MAST1: variants seen among roughly 807,000 people sequenced by gnomAD.
MAST1 encodes microtubule associated serine/threonine kinase 1.
In MAST1, 40 loss-of-function variants were observed where a neutral mutation model predicts 124.6. That is an observed-to-expected ratio of 0.32 (90% CI 0.25 to 0.42). The LOEUF is 0.42. Ranked by LOEUF, MAST1 falls within the 10% of genes least tolerant of loss-of-function variation. The pLI is 1.00. For missense variants in MAST1, 1,558 were observed against 2,181.9 expected, an observed-to-expected ratio of 0.71 and a Z score of 5.70; for synonymous variants, 938 against 939.4, an observed-to-expected ratio of 1.00 and a Z score of 0.03.
chr19:12,868,030 C>T (rs1970179980), intron 20 of MAST1, 53 bp downstream of exon 20: 2 of 1,485,796 alleles, frequency 1.3e-6, no homozygotes, highest in East Asian at 2.4e-5. Context: ...TCCTACTGGT[C>T]ATATAGTGAG....
Position 12,874,435 on chromosome 19 carries a change from T to C in MAST1, c.4278T>C (p.Ser1426=). 6.3e-7 allele frequency: 1 copy of C among 1,597,592 alleles called. No homozygotes were observed. Among genetic ancestry groups the C allele is most frequent in the Non-Finnish European group, 8.5e-7 (1 of 1,178,552 alleles). ...QEHETGRRSS[S]GEAGTPLVPI... is the part of the protein sequence containing the mutation. ...ACGAGACAGGCCGGCGCAGCAGCTC[T>C]GGCGAGGCGGGCACACCCCTGGTAC... is the stretch of plus-strand genomic sequence containing the variant. Residue 1426 remains serine, a synonymous_variant, in exon 26 of 26, where the codon TCT becomes TCC. Coordinates refer to ENST00000251472, the MANE Select transcript of MAST1 (RefSeq NM_014975.3). This position sits in a 1 kb window ranked among gnomAD's most constrained non-coding sequence, Gnocchi z 6.6.
At chr19:12,840,167 G>T (rs1969808110) in intron 1 of MAST1, among the ~76,000 whole-genome samples, 1 of 152,216 alleles carries the variant, frequency 6.6e-6, no homozygotes, top group African/African-American at 2.4e-5. Flanking sequence ...ATCACCAATG[G>T]TGTCACCTAG....
In MAST1 at chr19:12,858,732, T is replaced by C. The variant is rs906084185; in HGVS notation, c.1359T>C (p.Tyr453=). ...GCCACCTCTGCATGGTCATGGAATA[T>C]GTGGAAGGTGTGGCTGCCTGCGGGG... ...TRRHLCMVME[Y]VEGGDCATLL... Residue 453 remains tyrosine (Y), a synonymous_variant, in exon 12 of 26, where the codon TAT becomes TAC. Transcript: ENST00000251472. 1 of 1,614,116 alleles carries C rather than the reference T, an allele frequency of 6.2e-7. No individual in the cohort carries two copies. Among genetic ancestry groups the C allele is most frequent in the Non-Finnish European group, 8.5e-7 (1 of 1,180,008 alleles).
chr19:12,858,609 C>G lies in MAST1; in HGVS notation c.1236C>G (p.Leu412=), dbSNP rs1970044721. The change falls in exon 12 of 26, where the codon CTC becomes CTG. Residue 412 remains leucine (L), a synonymous_variant. Transcript: ENST00000251472. ...MKKINKQNLI[L]RNQIQQAFVE... ...AGATCAACAAGCAGAACTTGATCCTCCGCAACCAGATCCAGCAGGCCTTTG... is the reference window on the plus strand; with the variant it reads ...AGATCAACAAGCAGAACTTGATCCTGCGCAACCAGATCCAGCAGGCCTTTG... 1 of 1,614,258 alleles carries G rather than the reference C, an allele frequency of 6.2e-7. No homozygotes were observed. Among genetic ancestry groups the G allele is most frequent in the Non-Finnish European group, 8.5e-7 (1 of 1,180,042 alleles).
chr19:12,861,094 G>A (rs1052771699), intron 12 of MAST1, among the ~76,000 whole-genome samples: 7 of 151,954 alleles, frequency 4.6e-5, no homozygotes, highest in African/African-American at 1.7e-4. Flanking sequence ...ATGGAGTCTC[G>A]CTCTTTCACC....
chr19:12,843,653 G>T lies in MAST1; in HGVS notation c.327+46G>T. 6.4e-7 allele frequency: 1 copy of T among 1,567,528 alleles called. No homozygotes were observed. On this transcript the variant is annotated intron_variant, in intron 4 of 25. Coordinates refer to ENST00000251472, the MANE Select transcript of MAST1 (RefSeq NM_014975.3). This position sits in a 1 kb window ranked among gnomAD's most constrained non-coding sequence, Gnocchi z 4.9. Reference sequence around the variant, plus strand: ...GGTGGGCCGGTGGGTAAGGAATTCAGGGGCCCTCCAGCCTGAAGACCCACA... The same window carrying T: ...GGTGGGCCGGTGGGTAAGGAATTCATGGGCCCTCCAGCCTGAAGACCCACA...
At chr19:12,855,305 G>C (rs530333848) in intron 10 of MAST1, among the ~76,000 whole-genome samples, 1 of 152,166 alleles carries the variant, frequency 6.6e-6, no homozygotes, top group African/African-American at 2.4e-5. Context: ...CAAAATCTGG[G>C]TTTGGGCCTT....
chr19:12,873,589 T>A lies in MAST1; in HGVS notation c.3452-20T>A. The A allele has an allele frequency of 1.9e-6, 3 of 1,579,116 alleles. No homozygotes were observed. Among genetic ancestry groups the A allele is most frequent in the Non-Finnish European group, 2.6e-6 (3 of 1,164,262 alleles). On this transcript the variant is annotated intron_variant, in intron 25 of 25. Transcript: ENST00000251472. ...GGTGCTTGGGCTGTACTCACTCGCTTCACCTCCTGTCTCCCGCAGGCGCCT... is the reference window on the plus strand; with the variant it reads ...GGTGCTTGGGCTGTACTCACTCGCTACACCTCCTGTCTCCCGCAGGCGCCT...
Position 12,865,451 on chromosome 19 carries a change from C to G in MAST1, c.1774C>G (p.Pro592Ala). 6.3e-7 allele frequency: 1 copy of G among 1,598,612 alleles called. No homozygotes were observed. The highest frequency in any genetic ancestry group is 8.5e-7 in the Non-Finnish European group (1 of 1,172,666). Residue 592 changes from proline (P) to alanine (A), a missense_variant, in exon 15 of 26, where the codon CCA becomes GCA. Pro to Ala is a conservative substitution (Grantham distance 27). Around this residue, in one of 10 missense-constraint regions of MAST1, gnomAD observed 145 missense variants for 350.0 expected, o/e 0.41. Coordinates refer to ENST00000251472, the MANE Select transcript of MAST1 (RefSeq NM_014975.3). This position sits in a 1 kb window ranked among gnomAD's most constrained non-coding sequence, Gnocchi z 7.1. Reference sequence around the variant, plus strand: ...CTGTGTGCCCTTCTTCGGAGACACACCAGAGGAGCTATTTGGACAGGTCAT... The same window carrying G: ...CTGTGTGCCCTTCTTCGGAGACACAGCAGAGGAGCTATTTGGACAGGTCAT... ...VGCVPFFGDT[P>A]EELFGQVISD...
rs1268699831 is a variant in MAST1 at position 12,865,220 on chromosome 19, C to T, written c.1638+42C>T. ...GGGGGTCGCTGAGGGTGGAGTGACC[C>T]TGCAGGACCTCGGGAACCCAGGGCC... is the stretch of plus-strand genomic sequence containing the variant. On this transcript the variant is annotated intron_variant, in intron 14 of 25. Transcript: ENST00000251472. The surrounding 1 kb of genome is among the most constrained non-coding windows in gnomAD (Gnocchi z 7.1). The T allele has an allele frequency of 6.2e-7, 1 of 1,602,196 alleles. No individual in the cohort carries two copies. The highest frequency in any genetic ancestry group is 2.2e-5 in the East Asian group (1 of 44,764).
In MAST1 at chr19:12,838,745, G is replaced by A. The variant is rs1198705580; in HGVS notation, c.83+90G>A. 4.1e-6 allele frequency: 5 copies of A among 1,210,254 alleles called. No homozygotes were observed. Among genetic ancestry groups the A allele is most frequent in the Non-Finnish European group, 5.7e-6 (5 of 875,204 alleles). 75.0% of individuals were successfully genotyped at this position (1,210,254 alleles called of 1,614,324 possible). ...GCTGCAGGGCGGGGCCCGGGATGCT[G>A]CGCCCGGTCCAGCTGCGCCAGAGGT... On this transcript the variant is annotated intron_variant, in intron 1 of 25. Coordinates refer to ENST00000251472, the MANE Select transcript of MAST1 (RefSeq NM_014975.3). This position sits in a 1 kb window ranked among gnomAD's most constrained non-coding sequence, Gnocchi z 4.3.
intron 18 of MAST1, among the ~76,000 whole-genome samples, chr19:12,867,141 G>T (rs1269699397): frequency 2.0e-5 from 3 of 152,100 alleles, no homozygotes; most frequent in African/African-American, 4.8e-5. Flanking sequence ...GAAGCCATAG[G>T]CCTTGCTTTG....
chr19:12,859,370 G>C (rs1307483088), intron 12 of MAST1, among the ~76,000 whole-genome samples: 2 of 152,122 alleles, frequency 1.3e-5, no homozygotes, highest in Non-Finnish European at 2.9e-5. Flanking sequence ...ATGAGCCACT[G>C]TGCCAGGCCT....
chr19:12,865,295 G>C lies in MAST1; in HGVS notation c.1639-21G>C. On this transcript the variant is annotated intron_variant, in intron 14 of 25. Transcript: ENST00000251472. This position sits in a 1 kb window ranked among gnomAD's most constrained non-coding sequence, Gnocchi z 7.1. Reference sequence around the variant, plus strand: ...GAGGGCCCTCCTCTGGCTGGGGCGTGGGCTGACAGCCTGCCCCCAGGTGTG... The same window carrying C: ...GAGGGCCCTCCTCTGGCTGGGGCGTCGGCTGACAGCCTGCCCCCAGGTGTG... 6.3e-7 allele frequency: 1 copy of C among 1,580,164 alleles called. No individual in the cohort carries two copies.
chr19:12,862,073 C>T (rs1405721185), intron 12 of MAST1, among the ~76,000 whole-genome samples: 1 of 148,476 alleles, frequency 6.7e-6, no homozygotes, highest in African/African-American at 2.5e-5. Flanking sequence ...GGGGTGATCT[C>T]GGATTACTGC....
chr19:12,845,599 A>G (rs1969883847), intron 4 of MAST1, among the ~76,000 whole-genome samples: 2 of 151,202 alleles, frequency 1.3e-5, no homozygotes, highest in Non-Finnish European at 2.9e-5. Context: ...AAAAAAAAAT[A>G]AAATAAAGCA....
At position 12,852,346 on chromosome 19, in the gene MAST1, A is replaced by G; in HGVS notation, c.1028A>G (p.Glu343Gly). Reference protein sequence around the residue: ...DPFPDVVHLEEQDSGGSNTPE... With the variant: ...DPFPDVVHLEGQDSGGSNTPE... ...TCCCTAGATGTGGTGCATCTGGAGG[A>G]ACAGGACAGTGGTGGTTCCAACACC... Residue 343 changes from glutamate to glycine, a missense_variant, in exon 10 of 26, where the codon GAA becomes GGA. By Grantham distance (98) the Glu-to-Gly change is moderately conservative. This residue lies in a region of MAST1 where 136 missense variants were observed against 160.9 expected (regional missense o/e 0.85). Coordinates refer to ENST00000251472, the MANE Select transcript of MAST1 (RefSeq NM_014975.3). 1 of 1,614,066 alleles carries G rather than the reference A, an allele frequency of 6.2e-7. No homozygotes were observed. Among genetic ancestry groups the G allele is most frequent in the Non-Finnish European group, 8.5e-7 (1 of 1,179,998 alleles).
Position 12,838,608 on chromosome 19 carries a change from C to T in MAST1, c.36C>T (p.Phe12=), listed in dbSNP as rs749853032. Reference sequence around the variant, plus strand: ...CTCTCTGGACCGCGCTTTCTAATTTCTCGATGCCCTCCTTCCCCGGCGGCA... The same window carrying T: ...CTCTCTGGACCGCGCTTTCTAATTTTTCGATGCCCTCCTTCCCCGGCGGCA... ...SDSLWTALSN[F]SMPSFPGGSM... The change falls in exon 1 of 26, where the codon TTC becomes TTT. Residue 12 remains phenylalanine (F), a synonymous_variant. Coordinates refer to ENST00000251472, the MANE Select transcript of MAST1 (RefSeq NM_014975.3). This position sits in a 1 kb window ranked among gnomAD's most constrained non-coding sequence, Gnocchi z 4.3. 3 of 1,610,192 alleles carry T rather than the reference C, an allele frequency of 1.9e-6. No homozygotes were observed. Among genetic ancestry groups the T allele is most frequent in the Admixed American group, 3.3e-5 (2 of 59,830 alleles).
At chr19:12,853,411 C>T (rs1969986094) in intron 10 of MAST1, among the ~76,000 whole-genome samples, 1 of 151,750 alleles carries the variant, frequency 6.6e-6, no homozygotes, top group Non-Finnish European at 1.5e-5. Flanking sequence ...AAAAAATCAG[C>T]TGGGCGTGGT....
Sources: gnomAD v4.1 joint callset for allele counts (sites outside exome capture counted in the v4.1 genomes callset) on GRCh38, gnomAD v4.1.1 for gene constraint, gnomAD v4.1.1 regional missense constraint, Gnocchi (gnomAD v3.1) non-coding constraint, MANE v1.5 for transcripts, NCBI Gene and HGNC (gene_info 2026-07-23, HGNC 2026-07-21) for gene names.